Variants in ADGRL1 observed in about 807,000 individuals in gnomAD.
ADGRL1 encodes CIRL-1.
In ADGRL1, 31 loss-of-function variants were observed where a neutral mutation model predicts 148.9. That is an observed-to-expected ratio of 0.21 (90% CI 0.16 to 0.28). The LOEUF is 0.28. Among genes scored for constraint, ADGRL1 ranks in the 10% least tolerant of loss-of-function variants. ADGRL1 has a pLI of 1.00. For synonymous variants in ADGRL1, 937 were observed against 900.3 expected, an observed-to-expected ratio of 1.04 and a Z score of -0.73; for missense variants, 1,521 against 2,058.8, an observed-to-expected ratio of 0.74 and a Z score of 5.05.
At chr19:14,183,820 C>T (rs2145033420) in intron 1 of ADGRL1, 123 bp from the exon 2 acceptor site, 1 of 553,676 alleles carries the variant, frequency 1.8e-6, no homozygotes, top group Non-Finnish European at 3.2e-6. Flanking sequence ...CCAGCCCTAT[C>T]TGTAGGGCCC....
intron 2 of ADGRL1, among the ~76,000 whole-genome samples, chr19:14,180,296 C>G (rs962918510): frequency 1.3e-5 from 2 of 152,180 alleles, no homozygotes; most frequent in Admixed American, 1.3e-4. Context: ...CGCTCTGTCA[C>G]CCAGGCTGGA....
intron 3 of ADGRL1, among the ~76,000 whole-genome samples, chr19:14,174,663 G>A (rs1970697011): frequency 2.0e-5 from 3 of 150,412 alleles, no homozygotes; most frequent in Admixed American, 6.6e-5. Flanking sequence ...AGCCTCCCAA[G>A]TATCTGGGAC....
At chr19:14,191,855 C>G (rs1374240900) in intron 1 of ADGRL1, among the ~76,000 whole-genome samples, 3 of 152,014 alleles carry the variant, frequency 2.0e-5, no homozygotes, top group East Asian at 3.9e-4. Context: ...GCTCCTGTGC[C>G]CAGCTACTTT....
In ADGRL1 at chr19:14,157,907, G is replaced by A; in HGVS notation, c.2510C>T (p.Ala837Val). 6.2e-7 allele frequency: 1 copy of A among 1,614,184 alleles called. No individual in the cohort carries two copies. Among genetic ancestry groups the A allele is most frequent in the Non-Finnish European group, 8.5e-7 (1 of 1,180,026 alleles). Residue 837 changes from alanine (A) to valine (V), a missense_variant, in exon 13 of 23, where the codon GCT (alanine) becomes GTT (valine). Ala to Val is a moderately conservative substitution (Grantham distance 64). Coordinates refer to ENST00000361434, the MANE Select transcript of ADGRL1 (RefSeq NM_014921.5). This position sits in a 1 kb window ranked among gnomAD's most constrained non-coding sequence, Gnocchi z 7.5. ...GATCTCACGGTGAGCCATGAGCACA[G>A]CGAAGTTGGTGAGGTGGCTGCAGGC... ...TCACSHLTNF[A>V]VLMAHREIYQ...
chr19:14,165,223 G>C (rs1969840127), intron 4 of ADGRL1, among the ~76,000 whole-genome samples: 1 of 152,232 alleles, frequency 6.6e-6, no homozygotes, highest in Admixed American at 6.5e-5. Flanking sequence ...CTGGGACATA[G>C]AGCTGGGCAG....
intron 4 of ADGRL1, among the ~76,000 whole-genome samples, chr19:14,164,339 T>C (rs1403268142): frequency 6.6e-6 from 1 of 151,780 alleles, no homozygotes; most frequent in Non-Finnish European, 1.5e-5. Flanking sequence ...AGAGGAGAGC[T>C]GTGCAGAGGG....
intron 2 of ADGRL1, among the ~76,000 whole-genome samples, chr19:14,183,297 T>C (rs1568616464): frequency 6.6e-6 from 1 of 151,304 alleles, no homozygotes; most frequent in Non-Finnish European, 1.5e-5. Context: ...GGATGGCCCC[T>C]ACCAACCTGG....
In ADGRL1 at chr19:14,152,663, G is replaced by C. The variant is rs757742855; in HGVS notation, c.3424-50C>G. On this transcript the variant is annotated intron_variant, in intron 19 of 22. Coordinates refer to ENST00000361434, the MANE Select transcript of ADGRL1 (RefSeq NM_014921.5). The surrounding 1 kb of genome is among the most constrained non-coding windows in gnomAD (Gnocchi z 6.1). Reference sequence around the variant, plus strand: ...GGGATCCTTGGGCCACCCACCCTCTGGCGTCTTTCTGAGACTGCTCACCTG... The same window carrying C: ...GGGATCCTTGGGCCACCCACCCTCTCGCGTCTTTCTGAGACTGCTCACCTG... 48 of 1,604,218 alleles carry C rather than the reference G, an allele frequency of 3.0e-5. No individual in the cohort carries two copies. Among genetic ancestry groups the C allele is most frequent in the Non-Finnish European group, 3.9e-5 (46 of 1,171,722 alleles).
rs1972748188 is a variant in ADGRL1, at chr19:14,203,417, C to T, written c.-96+2568G>A. 5.9e-5 allele frequency among the ~76,000 whole-genome samples: 9 copies of T among 152,288 alleles called. No individual in the cohort carries two copies. The South Asian group carries it at 1.7e-3, about 28-fold the overall frequency. On this transcript the variant is annotated intron_variant, in intron 1 of 22. Coordinates refer to ENST00000361434, the MANE Select transcript of ADGRL1 (RefSeq NM_014921.5). The stretch of plus-strand genomic sequence containing the variant: ...GGGCACCCACTGCCACCCTCCCCAC[C>T]GAGATGCCTGCGCTGGGGCTGAAGC...
chr19:14,174,119 C>T (rs1267387889), intron 3 of ADGRL1, among the ~76,000 whole-genome samples: 2 of 152,212 alleles, frequency 1.3e-5, no homozygotes, highest in African/African-American at 2.4e-5. Flanking sequence ...CAGCATTCCC[C>T]ACGGACATGG....
chr19:14,172,824 G>A (rs571822504), intron 3 of ADGRL1, among the ~76,000 whole-genome samples: 1 of 152,284 alleles, frequency 6.6e-6, no homozygotes. Context: ...TTAGTCACTA[G>A]TGGTCATCTC....
At chr19:14,190,664 C>G (rs548947521) in intron 1 of ADGRL1, among the ~76,000 whole-genome samples, 5 of 152,226 alleles carry the variant, frequency 3.3e-5, no homozygotes, top group Non-Finnish European at 7.3e-5. Flanking sequence ...CTCTACTCTG[C>G]TTCTACGAGT....
chr19:14,200,159 T>C (rs1305558852), intron 1 of ADGRL1, among the ~76,000 whole-genome samples: 1 of 152,154 alleles, frequency 6.6e-6, no homozygotes, highest in Non-Finnish European at 1.5e-5. Flanking sequence ...TAGAAGAGCA[T>C]CCTGGGCAGG....
chr19:14,187,499 C>T (rs1203415013), intron 1 of ADGRL1, among the ~76,000 whole-genome samples: 2 of 151,734 alleles, frequency 1.3e-5, no homozygotes, highest in Non-Finnish European at 2.9e-5. Context: ...TAGCTCTCTG[C>T]CCGCTTCCCC....
chr19:14,151,753 C>A, intron 22 of ADGRL1, 138 bp from the exon 23 acceptor site: 1 of 808,444 alleles, frequency 1.2e-6, no homozygotes, highest in Non-Finnish European at 1.9e-6. Flanking sequence ...CCCCCTGGAT[C>A]TCTGATCTCA....
chr19:14,178,983 A>G (rs1034221078), intron 2 of ADGRL1, among the ~76,000 whole-genome samples: 8 of 151,980 alleles, frequency 5.3e-5, no homozygotes, highest in African/African-American at 9.7e-5. Context: ...CAGGAGTTTG[A>G]GACCAGCCTG....
chr19:14,166,068 G>A (rs917103072), intron 4 of ADGRL1, among the ~76,000 whole-genome samples: 12 of 151,988 alleles, frequency 7.9e-5, no homozygotes, highest in East Asian at 3.9e-4. Flanking sequence ...TAGAAATTAC[G>A]GAGTCTGTGG....
At position 14,148,731 on chromosome 19, in the gene ADGRL1, T is replaced by G. The variant is rs751609466; in HGVS notation, c.*2142A>C. ...GCCTTTCTACCAGAAAAAGCCAGAG[T>G]TGGAACCCAACCCCACCTCTTCCCC... On this transcript the variant is annotated 3_prime_UTR_variant, in exon 23 of 23. Coordinates refer to ENST00000361434, the MANE Select transcript of ADGRL1 (RefSeq NM_014921.5). 1 of 152,526 alleles carries G rather than the reference T, an allele frequency of 6.6e-6. No individual in the cohort carries two copies. Among genetic ancestry groups the G allele is most frequent in the African/African-American group, 2.4e-5 (1 of 41,374 alleles). The allele number at this position is 152,526 out of a possible 1,614,324, so 9.4% of individuals were successfully genotyped here.
chr19:14,197,465 A>AC (rs1972332481), intron 1 of ADGRL1, among the ~76,000 whole-genome samples: 1 of 150,816 alleles, frequency 6.6e-6, no homozygotes, highest in Non-Finnish European at 1.5e-5. Context: ...ATCCAATTAC[A>AC]CCCCTCCCTG....
Sources: allele counts gnomAD v4.1 joint callset (sites outside exome capture counted in the v4.1 genomes callset), GRCh38; gene constraint gnomAD v4.1.1; non-coding constraint Gnocchi (gnomAD v3.1); transcripts MANE v1.5; gene names NCBI Gene and HGNC (gene_info 2026-07-23, HGNC 2026-07-21).